TMEM51: variants seen among roughly 807,000 people sequenced by gnomAD.
TMEM51 encodes the protein chromosome 1 open reading frame 72.
TMEM51 carries 8 observed loss-of-function variants against 13.6 expected under a neutral mutation model. The observed-to-expected ratio is 0.59, with a 90% CI of 0.35 to 1.07. The LOEUF (loss-of-function observed/expected upper bound fraction) is 1.07, where lower values mean the gene tolerates loss of function less well. TMEM51 is among the 50% of genes least tolerant of loss of function. TMEM51 has a pLI of 0.02. For synonymous variants in TMEM51, 147 were observed against 144.4 expected (o/e 1.02, Z -0.13); for missense variants, 279 against 330.7 (o/e 0.84, Z 1.21).
rs778573438 is a variant in TMEM51 at position 15,219,753 on chromosome 1, C to G, written c.*10C>G. 6.2e-7 allele frequency: 1 copy of G among 1,610,674 alleles called. No individual in the cohort carries two copies. Among genetic ancestry groups the G allele is most frequent in the Non-Finnish European group, 8.5e-7 (1 of 1,178,494 alleles). On this transcript the variant is annotated 3_prime_UTR_variant, in exon 4 of 4. Transcript: ENST00000376008. ...CCGGCCGCCCGACTGAATGGCCCCA[C>G]TTGAGCCACGCTCCCTCCTGTCTCT... is the stretch of plus-strand genomic sequence containing the variant.
At chr1:15,168,811 C>G (rs939003306) in intron 1 of TMEM51, 8 of 1,281,416 alleles carry the variant, frequency 6.2e-6, no homozygotes, top group Non-Finnish European at 8.2e-6. Context: ...TAGGGGAATT[C>G]CTGGGAGTCA....
In TMEM51 at chr1:15,215,006, T is replaced by G; in HGVS notation, c.-82T>G. On this transcript the variant is annotated 5_prime_UTR_variant, in exon 3 of 4. It adds an upstream start codon to the 5' untranslated region. Coordinates refer to ENST00000376008, the MANE Select transcript of TMEM51 (RefSeq NM_001136218.2). ...GGGCGAGAGATTTTGTGGAGCGCAT[T>G]TAAGGGGTTTTTGTTGTGACTGCTG... is the stretch of plus-strand genomic sequence containing the variant. The G allele has an allele frequency of 7.7e-7, 1 of 1,303,422 alleles. No homozygotes were observed. The highest frequency in any genetic ancestry group is 1.1e-6 in the Non-Finnish European group (1 of 946,116). The allele number at this position is 1,303,422 out of a possible 1,614,324, so 80.7% of individuals were successfully genotyped here.
chr1:15,183,969 A>G (rs1643693910), intron 1 of TMEM51, among the ~76,000 whole-genome samples: 1 of 152,222 alleles, frequency 6.6e-6, no homozygotes, highest in South Asian at 2.1e-4. Context: ...CCAACTCAGC[A>G]GGTCCGGGGT....
At chr1:15,178,245 A>G (rs1039797117) in intron 1 of TMEM51, among the ~76,000 whole-genome samples, 1 of 152,106 alleles carries the variant, frequency 6.6e-6, no homozygotes, top group Non-Finnish European at 1.5e-5. Flanking sequence ...GTGGAGGAGT[A>G]GAGCGGTCCC....
chr1:15,215,328 A>G lies in TMEM51; in HGVS notation c.241A>G (p.Ile81Val), dbSNP rs560355264. The G allele has an allele frequency of 1.7e-5, 28 of 1,614,018 alleles. No individual in the cohort carries two copies. In the African/African-American group the frequency reaches 2.0e-4, roughly 12 times the overall value. ...CGGGGTGATGCTGCTGCTGCTTTCT[A>G]TCTGCCTGAGTATCAGGGATAAGAG... is the stretch of plus-strand genomic sequence containing the variant. ...GAGVMLLLLS[I>V]CLSIRDKRKQ... Residue 81 changes from isoleucine to valine, a missense_variant, in exon 3 of 4, where the codon ATC (isoleucine) becomes GTC (valine). Transcript: ENST00000376008.
At chr1:15,206,924 T>G (rs1644260657) in intron 1 of TMEM51, among the ~76,000 whole-genome samples, 1 of 152,136 alleles carries the variant, frequency 6.6e-6, no homozygotes, top group South Asian at 2.1e-4. Context: ...CCTGACACCC[T>G]TTGACCTTGG....
At chr1:15,198,163 C>A (rs977268019) in intron 1 of TMEM51, among the ~76,000 whole-genome samples, 4 of 152,144 alleles carry the variant, frequency 2.6e-5, no homozygotes, top group Admixed American at 2.6e-4. Context: ...TGCACTAGAA[C>A]CAATAGGAAG....
chr1:15,163,451 A>T (rs1202700817), intron 1 of TMEM51, among the ~76,000 whole-genome samples: 1 of 151,740 alleles, frequency 6.6e-6, no homozygotes, highest in East Asian at 1.9e-4. Flanking sequence ...ACTACTTTCC[A>T]CCCCCACCTA....
chr1:15,184,352 G>A lies in TMEM51; in HGVS notation c.-266-26138G>A, dbSNP rs116219770. Among the ~76,000 whole-genome samples the A allele has an allele frequency of 4.5e-3, 686 of 152,342 alleles. 2 individuals carry two copies. Among genetic ancestry groups the A allele is most frequent in the Non-Finnish European group, 8.0e-3 (546 of 68,030 alleles). Reference sequence around the variant, plus strand: ...GCCTTTCTCACCAGCTCTCAGGGCTGTTGACACTGCAGGACCACACTGTGA... The same window carrying A: ...GCCTTTCTCACCAGCTCTCAGGGCTATTGACACTGCAGGACCACACTGTGA... On this transcript the variant is annotated intron_variant, in intron 1 of 3. Coordinates refer to ENST00000376008, the MANE Select transcript of TMEM51 (RefSeq NM_001136218.2).
chr1:15,189,213 C>CTTTTTTTTTTTTTTTTTTTTTTTT (rs59346950), intron 1 of TMEM51, among the ~76,000 whole-genome samples: 3 of 92,852 alleles, frequency 3.2e-5, no homozygotes, highest in Non-Finnish European at 6.4e-5. Context: ...CTAATTTTTC[C>CTTTTTTTTTTTTTTTTTTTTTTTT]TTTTTTTTTT....
chr1:15,209,149 A>C (rs1315924784), intron 1 of TMEM51, among the ~76,000 whole-genome samples: 1 of 151,974 alleles, frequency 6.6e-6, no homozygotes, highest in African/African-American at 2.4e-5. Context: ...GGCTCACTAC[A>C]GGCTTTACCT....
intron 1 of TMEM51, among the ~76,000 whole-genome samples, chr1:15,182,185 T>C (rs993554739): frequency 2.7e-5 from 4 of 146,850 alleles, no homozygotes; most frequent in African/African-American, 9.9e-5. Context: ...AATAAATAAA[T>C]AAATAAATAA....
intron 1 of TMEM51, among the ~76,000 whole-genome samples, chr1:15,160,690 G>A (rs920969707): frequency 6.6e-6 from 1 of 152,100 alleles, no homozygotes; most frequent in Admixed American, 6.6e-5. Context: ...GTTAGGTACT[G>A]GAACTGCCTG....
intron 1 of TMEM51, among the ~76,000 whole-genome samples, chr1:15,197,885 A>G (rs2024546): frequency 0.46 from 67,623 of 145,982 alleles, 16,233 homozygotes; most frequent in East Asian, 0.91. Flanking sequence ...CCAGCCAGCC[A>G]CCACCTTTCC....
chr1:15,208,614 AT>A (rs1282743462), intron 1 of TMEM51, among the ~76,000 whole-genome samples: 2 of 152,142 alleles, frequency 1.3e-5, no homozygotes, highest in Admixed American at 6.6e-5. Context: ...CTCTAAAATA[AT>A]TTTTTAAAAA....
rs901228008 is a variant in TMEM51, at chr1:15,172,146, G to A, written c.-267+18192G>A. Among the ~76,000 whole-genome samples the A allele has an allele frequency of 2.6e-5, 4 of 152,170 alleles. No individual in the cohort carries two copies. The East Asian group carries it at 7.7e-4, about 29-fold the overall frequency. On this transcript the variant is annotated intron_variant, in intron 1 of 3. Transcript: ENST00000376008. ...AATCCCAGCACTTTGGGAGGCTGAG[G>A]CAGGTGGATCGCTTGAGCCCAGGAG...
chr1:15,208,144 G>A (rs1317262364), intron 1 of TMEM51, among the ~76,000 whole-genome samples: 1 of 152,210 alleles, frequency 6.6e-6, no homozygotes, highest in Non-Finnish European at 1.5e-5. Context: ...GAGCCAACAA[G>A]AAAGCAAAAT....
chr1:15,169,635 TG>T (rs1223165195), intron 1 of TMEM51, among the ~76,000 whole-genome samples: 1 of 152,186 alleles, frequency 6.6e-6, no homozygotes, highest in Non-Finnish European at 1.5e-5. Flanking sequence ...CCAGTTGAAA[TG>T]TCTTCTTGTA....
At chr1:15,163,622 C>T (rs1011614881) in intron 1 of TMEM51, among the ~76,000 whole-genome samples, 2 of 151,766 alleles carry the variant, frequency 1.3e-5, no homozygotes, top group African/African-American at 2.4e-5. Flanking sequence ...GAGTTAGTTT[C>T]GAGACTGTTA....
Sources: allele counts gnomAD v4.1 joint callset (sites outside exome capture counted in the v4.1 genomes callset), GRCh38; gene constraint gnomAD v4.1.1; transcripts MANE v1.5; gene names NCBI Gene and HGNC (gene_info 2026-07-23, HGNC 2026-07-21).